Variants in PRELID2 observed in about 807,000 individuals in gnomAD.
PRELID2 encodes the protein PRELI domain containing 2, also known as PRELI domain-containing protein 2.
A neutral mutation model predicts 28.4 loss-of-function variants in PRELID2; 25 were observed. That is an observed-to-expected ratio of 0.88 (90% CI 0.64 to 1.23). PRELID2 has a LOEUF of 1.23. Among genes scored for constraint, PRELID2 ranks in the 50% most tolerant of loss-of-function variants. The probability of loss-of-function intolerance (pLI) is 0.00; values close to 1 mark genes in which losing one functional copy is unlikely to be tolerated. For synonymous variants in PRELID2, 76 were observed against 71.6 expected (o/e 1.06, Z -0.31); for missense variants, 201 against 214.4 (o/e 0.94, Z 0.39).
rs183500635 is a variant in PRELID2, at chr5:145,478,782, G to A, written n.71-5467C>T. Reference sequence around the variant, plus strand: ...TTGTAGCTCATGTTAGGTTTTATTCGATAACTATTTTACCCACGCTGTCTT... The same window carrying A: ...TTGTAGCTCATGTTAGGTTTTATTCAATAACTATTTTACCCACGCTGTCTT... On this transcript the variant is annotated intron_variant and non_coding_transcript_variant, in intron 1 of 2. Transcript: ENST00000510259. 3.0e-3 allele frequency among the ~76,000 whole-genome samples: 455 copies of A among 152,164 alleles called. 2 individuals are homozygous for A. The highest frequency in any genetic ancestry group is 7.3e-3 in the Admixed American group (112 of 15,284).
intron 2 of PRELID2, among the ~76,000 whole-genome samples, chr5:145,472,813 C>G (rs1442210761): frequency 1.3e-5 from 2 of 152,106 alleles, no homozygotes; most frequent in Non-Finnish European, 2.9e-5. Flanking sequence ...ACTCAAGGAT[C>G]TTTAGTTATA....
intron 4 of PRELID2, among the ~76,000 whole-genome samples, chr5:145,814,151 G>A (rs537487762): frequency 6.6e-6 from 1 of 152,160 alleles, no homozygotes; most frequent in Non-Finnish European, 1.5e-5. Flanking sequence ...AACACTCAAA[G>A]GAAAATTGTT....
chr5:145,719,496 C>CGAGA lies in PRELID2; in HGVS notation n.70+45431_70+45434dup, dbSNP rs143655188. Among the ~76,000 whole-genome samples the CGAGA allele has an allele frequency of 2.5e-3, 357 of 144,870 alleles. 1 individual carries two copies. The highest frequency in any genetic ancestry group is 8.1e-3 in the African/African-American group (319 of 39,624). ...GAGATAAATGGTAACTTTCCCATTA[C>CGAGA]GAGAGAGAGAGAGAGAGAGAGAGGG... On this transcript the variant is annotated intron_variant and non_coding_transcript_variant, in intron 1 of 2. Transcript: ENST00000510259.
chr5:145,549,577 G>C (rs941766050), intron 1 of PRELID2, among the ~76,000 whole-genome samples: 1 of 152,096 alleles, frequency 6.6e-6, no homozygotes, highest in Admixed American at 6.5e-5. Flanking sequence ...GACGGAGCAC[G>C]AGGTCAGGAG....
At chr5:145,434,705 C>A in the PRELID2 span, among the ~76,000 whole-genome samples, 1 of 152,164 alleles carries the variant, frequency 6.6e-6, no homozygotes, top group East Asian at 1.9e-4. Context: ...CCTGGCATCT[C>A]TATCTTAGGG....
At chr5:145,358,073 C>G in the PRELID2 span, among the ~76,000 whole-genome samples, 1 of 152,132 alleles carries the variant, frequency 6.6e-6, no homozygotes, top group African/African-American at 2.4e-5. Context: ...GTTGGGTGTT[C>G]TGGTTCATGG....
chr5:145,602,224 C>T (rs988593430), intron 1 of PRELID2, among the ~76,000 whole-genome samples: 1 of 152,048 alleles, frequency 6.6e-6, no homozygotes, highest in East Asian at 1.9e-4. Context: ...GGTGACCTCA[C>T]AAAGGTAGAG....
At chr5:145,399,558 A>G in the PRELID2 span, among the ~76,000 whole-genome samples, 2 of 152,100 alleles carry the variant, frequency 1.3e-5, no homozygotes, top group African/African-American at 4.8e-5. Context: ...AAAATGGTAC[A>G]ATGGACCATT....
intron 1 of PRELID2, among the ~76,000 whole-genome samples, chr5:145,481,623 C>CAAAAAAAAAA (rs70998021): frequency 1.6e-3 from 65 of 41,860 alleles, no homozygotes; most frequent in African/African-American, 3.7e-3. Context: ...GCAAGGAAAT[C>CAAAAAAAAAA]AAAAAAAAAA....
chr5:145,489,110 T>TC (rs903431849), intron 1 of PRELID2, among the ~76,000 whole-genome samples: 1 of 152,090 alleles, frequency 6.6e-6, no homozygotes, highest in African/African-American at 2.4e-5. Context: ...ATGGCATCAT[T>TC]CCCCCAGACT....
chr5:145,398,788 C>T, the PRELID2 span, among the ~76,000 whole-genome samples: 1 of 152,034 alleles, frequency 6.6e-6, no homozygotes, highest in South Asian at 2.1e-4. Flanking sequence ...GAAAACAAAA[C>T]ATGTGAATGT....
At chr5:145,558,325 A>T (rs1217677245) in intron 1 of PRELID2, among the ~76,000 whole-genome samples, 2 of 152,196 alleles carry the variant, frequency 1.3e-5, no homozygotes, top group African/African-American at 2.4e-5. Context: ...GGAATATGAA[A>T]CTTCATTGTT....
chr5:145,576,330 T>G (rs1753059869), intron 1 of PRELID2, among the ~76,000 whole-genome samples: 1 of 152,168 alleles, frequency 6.6e-6, no homozygotes. Flanking sequence ...CTCTATGGGC[T>G]TGCCTGTTCT....
rs1754649306 is a variant in PRELID2, at chr5:145,819,996, G to A, written c.156C>T (p.Tyr52=). ...EKRDESTGVI[Y]RKRIAICQNV... is the part of the protein sequence containing the mutation. Reference sequence around the variant, plus strand: ...TCTGACAGATTGCAATCCTCTTTCTGTAGATGACCCCTGTTGATTCATCTA... The same window carrying A: ...TCTGACAGATTGCAATCCTCTTTCTATAGATGACCCCTGTTGATTCATCTA... The change falls in exon 3 of 7, where the codon TAC becomes TAT. Residue 52 remains tyrosine, a synonymous_variant. Transcript: ENST00000683046. 10 of 1,603,014 alleles carry A rather than the reference G, an allele frequency of 6.2e-6. No homozygotes were observed. The East Asian group carries it at 2.0e-4, about 32-fold the overall frequency.
At chr5:145,684,226 G>A (rs992706258) in intron 1 of PRELID2, among the ~76,000 whole-genome samples, 5 of 152,210 alleles carry the variant, frequency 3.3e-5, no homozygotes, top group Non-Finnish European at 7.3e-5. Context: ...TAGTCCAGGG[G>A]TGAAAGAAGC....
the PRELID2 span, among the ~76,000 whole-genome samples, chr5:145,362,433 T>C: frequency 6.6e-6 from 1 of 152,278 alleles, no homozygotes; most frequent in South Asian, 2.1e-4. Context: ...ATCACAGCCT[T>C]ATCATACTGC....
chr5:145,807,460 G>T (rs147141644), intron 4 of PRELID2, among the ~76,000 whole-genome samples: 1 of 151,998 alleles, frequency 6.6e-6, no homozygotes, highest in Non-Finnish European at 1.5e-5. Context: ...TCATAAATGC[G>T]CAGAGCATGT....
rs1031698613 is a variant in PRELID2 at position 145,757,126 on chromosome 5, C to T, written c.*3410G>A. ...AAGATGTGCAAGTTAAAAGAATAAC[C>T]TTGAGTTTTCTACACCATGCACCGC... On this transcript the variant is annotated 3_prime_UTR_variant, in exon 7 of 7. Coordinates refer to ENST00000683046, the MANE Select transcript of PRELID2 (RefSeq NM_205846.3). Among the ~76,000 whole-genome samples, 2 of 152,136 alleles carry T rather than the reference C, an allele frequency of 1.3e-5. No homozygotes were observed. Among genetic ancestry groups the T allele is most frequent in the Non-Finnish European group, 2.9e-5 (2 of 68,026 alleles).
chr5:145,239,704 T>A, the PRELID2 span, among the ~76,000 whole-genome samples: 2 of 151,996 alleles, frequency 1.3e-5, no homozygotes, highest in Non-Finnish European at 2.9e-5. Flanking sequence ...ATGGAGATAT[T>A]TCAGAAGATT....
Sources: allele counts gnomAD v4.1 joint callset (sites outside exome capture counted in the v4.1 genomes callset), GRCh38; gene constraint gnomAD v4.1.1; transcripts MANE v1.5; gene names NCBI Gene and HGNC (gene_info 2026-07-23, HGNC 2026-07-21).